FRG1: variants seen among roughly 807,000 people sequenced by gnomAD.
FRG1 encodes the protein protein FRG1.
In FRG1, 19 loss-of-function variants were observed where a neutral mutation model predicts 37.0. That is an observed-to-expected ratio of 0.51 (90% confidence interval 0.36 to 0.75). FRG1 has a LOEUF of 0.75. FRG1 is among the 30% of genes least tolerant of loss of function. The pLI is 0.00. For missense variants in FRG1, 243 were observed against 301.4 expected (o/e 0.81, Z 1.44); for synonymous variants, 73 against 96.5 (o/e 0.76, Z 1.43).
chr4:189,951,305 T>C (rs1333024097), intron 2 of FRG1, among the ~76,000 whole-genome samples: 6 of 151,976 alleles, frequency 3.9e-5, no homozygotes, highest in African/African-American at 1.5e-4. Context: ...CTGGCCAATG[T>C]GGTGAAACCC....
At chr4:189,958,931 T>C (rs1737106150) in intron 6 of FRG1, among the ~76,000 whole-genome samples, 1 of 152,192 alleles carries the variant, frequency 6.6e-6, no homozygotes, top group South Asian at 2.1e-4. Context: ...GCTTTGTTTG[T>C]CTCTGTTGGG....
rs568570245 is a variant in FRG1, at chr4:189,956,554, C to T, written c.433-844C>T. On this transcript the variant is annotated intron_variant, in intron 5 of 8. Transcript: ENST00000226798. ...AGGTTTAAATCGTCTTGGACCACAC[C>T]ACCATGTTCCAGGGCTCACCAGGAG... 5.4e-4 allele frequency among the ~76,000 whole-genome samples: 82 copies of T among 152,272 alleles called. 2 individuals carry two copies. The highest frequency in any genetic ancestry group is 1.6e-3 in the African/African-American group (68 of 41,566).
At chr4:189,961,537 A>G (rs547683952) in intron 7 of FRG1, 89 of 192,676 alleles carry the variant, frequency 4.6e-4, no homozygotes, top group Admixed American at 2.2e-3. Flanking sequence ...CCTCCCGAGT[A>G]GCTGGGACTA....
intron 6 of FRG1, among the ~76,000 whole-genome samples, chr4:189,958,455 T>C (rs1188495047): frequency 1.3e-5 from 2 of 152,256 alleles, no homozygotes; most frequent in East Asian, 3.9e-4. Context: ...TTAAAAATAT[T>C]TTTATTAATA....
intron 1 of FRG1, chr4:189,941,795 C>G (rs928615388): frequency 7.5e-6 from 3 of 401,032 alleles, no homozygotes; most frequent in African/African-American, 6.4e-5. Context: ...GAAAAAATAC[C>G]TGTGCACTCA....
At chr4:189,951,217 C>T (rs1345306485) in intron 2 of FRG1, among the ~76,000 whole-genome samples, 9 of 152,032 alleles carry the variant, frequency 5.9e-5, no homozygotes, top group Admixed American at 5.9e-4. Context: ...TGGCCAGGCG[C>T]GGTGGCTCAC....
intron 2 of FRG1, among the ~76,000 whole-genome samples, chr4:189,943,833 T>C (rs1215957563): frequency 2.0e-5 from 3 of 152,224 alleles, no homozygotes; most frequent in Non-Finnish European, 4.4e-5. Flanking sequence ...AAGTTGCATT[T>C]TGAATCTTCA....
At chr4:189,946,234 G>A (rs61486082) in intron 2 of FRG1, among the ~76,000 whole-genome samples, 1 of 149,192 alleles carries the variant, frequency 6.7e-6, no homozygotes, top group African/African-American at 2.5e-5. Context: ...CAATCTTTTA[G>A]CTTCCCTGGG....
chr4:189,941,071 G>A lies in FRG1; in HGVS notation c.62G>A (p.Ser21Asn). ...KLVLKGTKTK[S>N]KKKKSKDKKR... ...GTGCTCAAGGGAACCAAGACGAAGA[G>A]GTGGGTCCTGCAGCTTGGGCGGGAG... is the stretch of plus-strand genomic sequence containing the variant. Residue 21 changes from serine (S) to asparagine (N), a missense_variant and splice_region_variant, in exon 1 of 9, where the codon AGT becomes AAT. Physicochemically the swap from Ser to Asn is conservative, Grantham distance 46. Transcript: ENST00000226798. The A allele has an allele frequency of 1.2e-6, 2 of 1,613,852 alleles. No homozygotes were observed. The highest frequency in any genetic ancestry group is 1.7e-6 in the Non-Finnish European group (2 of 1,179,740).
intron 2 of FRG1, among the ~76,000 whole-genome samples, chr4:189,948,540 A>G (rs1439190690): frequency 6.6e-6 from 1 of 152,186 alleles, no homozygotes; most frequent in African/African-American, 2.4e-5. Context: ...TGTGCCAAGC[A>G]CATAATGATA....
At chr4:189,944,906 CTG>C (rs1736462031) in intron 2 of FRG1, among the ~76,000 whole-genome samples, 2 of 152,124 alleles carry the variant, frequency 1.3e-5, no homozygotes, top group African/African-American at 4.8e-5. Context: ...TTCTCGAGAA[CTG>C]TATTGAGTCC....
rs1234449366 is a variant in FRG1, at chr4:189,962,555, T to TA, written c.741-537dup. 2.4e-4 allele frequency among the ~76,000 whole-genome samples: 37 copies of TA among 151,192 alleles called. 1 individual carries two copies. The highest frequency in any genetic ancestry group is 8.9e-4 in the African/African-American group (36 of 40,634). On this transcript the variant is annotated intron_variant, in intron 8 of 8. Coordinates refer to ENST00000226798, the MANE Select transcript of FRG1 (RefSeq NM_004477.3). ...AAGTCGTATGTTGCAAAGTTACTCT[T>TA]ACCCTTTTTTTTACATTACTTGATA...
At position 189,953,103 on chromosome 4, in the gene FRG1, G is replaced by T; in HGVS notation, c.295G>T (p.Ala99Ser). ...EGPSPPEQFT[A>S]VKLSDSRIAL... ...CCCTAGTCCTCCAGAGCAGTTTACG[G>T]CTGTCAAATTATCTGATTCCAGGTG... The change falls in exon 4 of 9, where the codon GCT (alanine) becomes TCT (serine). Residue 99 changes from alanine (A) to serine (S), a missense_variant. Ala to Ser is a moderately conservative substitution (Grantham distance 99). This residue lies in a region of FRG1 where 133 missense variants were observed against 199.3 expected (regional missense o/e 0.67). Coordinates refer to ENST00000226798, the MANE Select transcript of FRG1 (RefSeq NM_004477.3). 6.3e-7 allele frequency: 1 copy of T among 1,587,958 alleles called. No individual in the cohort carries two copies.
Position 189,961,914 on chromosome 4 carries a change from A to G in FRG1, c.722A>G (p.His241Arg), listed in dbSNP as rs369120942. 6 of 1,578,542 alleles carry G rather than the reference A, an allele frequency of 3.8e-6. No individual in the cohort carries two copies. In the African/African-American group the frequency reaches 4.1e-5, roughly 11 times the overall value. ...LKKARKDGFLHETLLDRRAKL... is the reference protein window; with the variant it reads ...LKKARKDGFLRETLLDRRAKL... ...AAGGCTCGGAAAGATGGATTTTTGCATGAGACGCTTCTGGACAGGTAGCTA... is the reference window on the plus strand; with the variant it reads ...AAGGCTCGGAAAGATGGATTTTTGCGTGAGACGCTTCTGGACAGGTAGCTA... The change falls in exon 8 of 9, where the codon CAT (histidine) becomes CGT (arginine). Residue 241 changes from histidine to arginine, a missense_variant. Physicochemically the swap from His to Arg is conservative, Grantham distance 29. Transcript: ENST00000226798.
At chr4:189,959,650 C>T (rs929737529) in intron 6 of FRG1, among the ~76,000 whole-genome samples, 3 of 152,166 alleles carry the variant, frequency 2.0e-5, no homozygotes, top group Non-Finnish European at 2.9e-5. Context: ...CTGAAGGCAA[C>T]AATTGCAAAT....
chr4:189,940,935 G>C lies in FRG1; in HGVS notation c.-75G>C, dbSNP rs1208429603. ...TTCGCGTCCGCTTCTGTTTCTCCGC[G>C]CCCCTGTGCTGCCCCGACTCACATA... On this transcript the variant is annotated 5_prime_UTR_variant, in exon 1 of 9. Transcript: ENST00000226798. The C allele has an allele frequency of 1.7e-6, 2 of 1,163,152 alleles. No individual in the cohort carries two copies. The highest frequency in any genetic ancestry group is 2.5e-6 in the Non-Finnish European group (2 of 789,182). The allele number at this position is 1,163,152 out of a possible 1,614,324, so 72.1% of individuals were successfully genotyped here. A position where few individuals can be genotyped will look rare whatever the true frequency, so the allele number is the denominator to read the frequency against.
chr4:189,952,093 TA>T, intron 2 of FRG1, 68 bp from the exon 3 acceptor site: 2 of 1,140,098 alleles, frequency 1.8e-6, no homozygotes, highest in African/African-American at 1.6e-5. Flanking sequence ...AATTAAGTTA[TA>T]ATAACAAAAA....
chr4:189,942,184 G>A (rs1353545470), intron 1 of FRG1, among the ~76,000 whole-genome samples: 1 of 152,084 alleles, frequency 6.6e-6, no homozygotes, highest in Non-Finnish European at 1.5e-5. Context: ...TAGGCACTTT[G>A]CACATTAACT....
At chr4:189,959,952 C>A in intron 6 of FRG1, 1 of 868,326 alleles carries the variant, frequency 1.2e-6, no homozygotes, top group South Asian at 5.3e-5. Flanking sequence ...GTCAGCCCTT[C>A]AGCTTTATGA....
Sources: gnomAD v4.1 joint callset for allele counts (sites outside exome capture counted in the v4.1 genomes callset) on GRCh38, gnomAD v4.1.1 for gene constraint, gnomAD v4.1.1 regional missense constraint, MANE v1.5 for transcripts, NCBI Gene and HGNC (gene_info 2026-07-23, HGNC 2026-07-21) for gene names.